ARAP2: variants seen among roughly 807,000 people sequenced by gnomAD.
ARAP2 encodes arf-GAP with Rho-GAP domain, ANK repeat and PH domain-containing protein 2.
In ARAP2, 148 loss-of-function variants were observed where a neutral mutation model predicts 194.5. That is an observed-to-expected ratio of 0.76 (90% CI 0.67 to 0.87). The LOEUF (loss-of-function observed/expected upper bound fraction) is 0.87. ARAP2 is among the 40% of genes least tolerant of loss of function. ARAP2 has a pLI of 0.00. For synonymous variants in ARAP2, 695 were observed against 683.5 expected, an observed-to-expected ratio of 1.02 and a Z score of -0.26; for missense variants, 2,128 against 1,989.7, an observed-to-expected ratio of 1.07 and a Z score of -1.32.
intron 15 of ARAP2, among the ~76,000 whole-genome samples, chr4:36,151,404 G>T (rs1431610727): frequency 1.3e-5 from 2 of 152,194 alleles, no homozygotes; most frequent in Non-Finnish European, 1.5e-5. Flanking sequence ...TGAGACTGCA[G>T]CTTGTGGTAG....
chr4:36,181,940 CA>C (rs1739374516), intron 8 of ARAP2, among the ~76,000 whole-genome samples: 1 of 152,038 alleles, frequency 6.6e-6, no homozygotes, highest in Admixed American at 6.6e-5. Context: ...GATGGTTAGC[CA>C]AAAGCCTGAT....
intron 1 of ARAP2, among the ~76,000 whole-genome samples, chr4:36,060,059 T>C (rs186669049): frequency 6.6e-6 from 1 of 152,250 alleles, no homozygotes; most frequent in African/African-American, 2.4e-5. Flanking sequence ...CAGTGAGATA[T>C]AAATGCTACT....
chr4:36,077,285 C>G (rs191385421), intron 31 of ARAP2, among the ~76,000 whole-genome samples: 3 of 152,140 alleles, frequency 2.0e-5, no homozygotes, highest in South Asian at 2.1e-4. Flanking sequence ...CATATCTGAT[C>G]GAAACAATCT....
At chr4:36,239,576 G>C (rs1454234069) in intron 1 of ARAP2, among the ~76,000 whole-genome samples, 1 of 152,186 alleles carries the variant, frequency 6.6e-6, no homozygotes, top group Non-Finnish European at 1.5e-5. Flanking sequence ...ATCTACCGTA[G>C]TCAAATTCAT....
At chr4:36,143,465 T>TAA (rs967487118) in intron 19 of ARAP2, among the ~76,000 whole-genome samples, 1 of 151,298 alleles carries the variant, frequency 6.6e-6, no homozygotes. Context: ...ACTTGATTTT[T>TAA]AAAAAAAAAT....
rs184572270 is a variant in ARAP2, at chr4:36,124,963, C to T, written c.3645G>A (p.Thr1215=). Residue 1215 remains threonine, a synonymous_variant, in exon 22 of 33, where the codon ACG becomes ACA. Coordinates refer to ENST00000303965, the MANE Select transcript of ARAP2 (RefSeq NM_015230.4). ...TTTTAATTCTTTCCTTGTCATCTTG[C>T]GTATCTGAAGGGGAAAAAAAAACAA... ...LYPYWISALD[T]QDDKERIKKY... 1.2e-4 allele frequency: 193 copies of T among 1,598,374 alleles called. No individual in the cohort carries two copies. Among genetic ancestry groups the T allele is most frequent in the African/African-American group, 5.4e-5 (4 of 74,298 alleles).
chr4:36,138,877 T>C (rs1200029920), intron 19 of ARAP2, among the ~76,000 whole-genome samples: 1 of 151,764 alleles, frequency 6.6e-6, no homozygotes, highest in Admixed American at 6.6e-5. Flanking sequence ...TCTAAAAAAC[T>C]TAGTTTTTTC....
intron 5 of ARAP2, among the ~76,000 whole-genome samples, chr4:36,034,799 AG>A (rs1341655297): frequency 1.3e-5 from 2 of 152,144 alleles, no homozygotes; most frequent in Non-Finnish European, 2.9e-5. Context: ...TCAACATGAA[AG>A]GATGTTGAAT....
At chr4:36,094,192 A>G (rs1308823245) in intron 27 of ARAP2, among the ~76,000 whole-genome samples, 5 of 152,172 alleles carry the variant, frequency 3.3e-5, no homozygotes, top group African/African-American at 1.2e-4. Flanking sequence ...ACATTTTTAA[A>G]TGGTTGAAAA....
chr4:36,100,907 A>G (rs114690689), intron 27 of ARAP2, among the ~76,000 whole-genome samples: 5,818 of 151,978 alleles, frequency 0.038, 167 homozygotes, highest in Non-Finnish European at 0.062. Flanking sequence ...CTTCACTCCA[A>G]TCTATTCTCC....
At chr4:36,213,350 A>C in intron 3 of ARAP2, 31 bp from the exon 4 acceptor site, 1 of 1,457,320 alleles carries the variant, frequency 6.9e-7, no homozygotes, top group South Asian at 1.2e-5. Context: ...TGAGAACAGA[A>C]AGATGTGAAT....
intron 5 of ARAP2, among the ~76,000 whole-genome samples, chr4:36,043,857 G>GAA (rs1163358635): frequency 7.3e-4 from 23 of 31,534 alleles, no homozygotes; most frequent in Non-Finnish European, 9.4e-4. Flanking sequence ...GGAGGGGAGG[G>GAA]GGGAGGGGAA....
At chr4:36,211,404 T>G (rs913307806) in intron 5 of ARAP2, among the ~76,000 whole-genome samples, 4 of 152,152 alleles carry the variant, frequency 2.6e-5, no homozygotes, top group African/African-American at 7.2e-5. Context: ...TTCTACAGAT[T>G]CAAGGGATGA....
chr4:36,071,660 A>T (rs577776979), intron 32 of ARAP2, among the ~76,000 whole-genome samples: 2 of 150,272 alleles, frequency 1.3e-5, no homozygotes, highest in African/African-American at 4.9e-5. Context: ...TTATTAATAT[A>T]TAATACTTAA....
chr4:36,221,507 A>G (rs1378056761), intron 2 of ARAP2, among the ~76,000 whole-genome samples: 1 of 152,116 alleles, frequency 6.6e-6, no homozygotes, highest in African/African-American at 2.4e-5. Context: ...CTAAGCCACA[A>G]TGCTTAACTT....
chr4:36,038,149 G>C (rs1244834933), intron 5 of ARAP2, among the ~76,000 whole-genome samples: 2 of 152,128 alleles, frequency 1.3e-5, no homozygotes, highest in Admixed American at 1.3e-4. Context: ...ACCTTAGATT[G>C]GCCCATCTTG....
At chr4:36,151,298 G>T (rs1730915351) in intron 15 of ARAP2, among the ~76,000 whole-genome samples, 1 of 152,124 alleles carries the variant, frequency 6.6e-6, no homozygotes, top group African/African-American at 2.4e-5. Flanking sequence ...AGAGAAGGCA[G>T]AGCTGTAAAG....
At chr4:36,220,133 G>A (rs192246496) in intron 2 of ARAP2, among the ~76,000 whole-genome samples, 43 of 152,046 alleles carry the variant, frequency 2.8e-4, no homozygotes, top group Non-Finnish European at 5.7e-4. Flanking sequence ...AATTTTGTAC[G>A]TCTTTGGTAA....
At chr4:36,036,253 G>A (rs745886712) in intron 5 of ARAP2, among the ~76,000 whole-genome samples, 16 of 152,050 alleles carry the variant, frequency 1.1e-4, no homozygotes, top group Non-Finnish European at 2.1e-4. Flanking sequence ...TGGTTCTATA[G>A]ATTATTTGAG....
Sources: gnomAD v4.1 joint callset for allele counts (sites outside exome capture counted in the v4.1 genomes callset) on GRCh38, gnomAD v4.1.1 for gene constraint, MANE v1.5 for transcripts, NCBI Gene and HGNC (gene_info 2026-07-23, HGNC 2026-07-21) for gene names.